The following GOLM2 variants were observed in gnomAD, a reference collection of about 807,000 sequenced individuals.
GOLM2 encodes the protein protein GOLM2.
A neutral mutation model predicts 55.9 loss-of-function variants in GOLM2; 26 were observed. The observed-to-expected ratio is 0.47, with a 90% CI of 0.34 to 0.65. The LOEUF is 0.65. GOLM2 is among the 30% of genes least tolerant of loss of function. The pLI is 0.01. For missense variants in GOLM2, 486 were observed against 531.8 expected (o/e 0.91, Z 0.85); for synonymous variants, 165 against 194.6 (o/e 0.85, Z 1.27).
intron 6 of GOLM2, among the ~76,000 whole-genome samples, chr15:44,366,732 C>T (rs1472059572): frequency 6.6e-6 from 1 of 152,100 alleles, no homozygotes; most frequent in African/African-American, 2.4e-5. Flanking sequence ...TGCAGTGGCT[C>T]ACGCCTGTAA....
intron 1 of GOLM2, among the ~76,000 whole-genome samples, chr15:44,292,922 C>T (rs963805798): frequency 3.3e-5 from 5 of 152,142 alleles, no homozygotes; most frequent in African/African-American, 1.2e-4. Flanking sequence ...TCAAGCGATC[C>T]TCCCACCTCG....
chr15:44,310,476 A>C (rs928267674), intron 1 of GOLM2, among the ~76,000 whole-genome samples: 18 of 135,270 alleles, frequency 1.3e-4, no homozygotes, highest in South Asian at 2.3e-4. Flanking sequence ...ATATGTATAT[A>C]TATATATATA....
chr15:44,379,762 A>T lies in GOLM2; in HGVS notation c.875A>T (p.Gln292Leu). The T allele has an allele frequency of 6.2e-7, 1 of 1,611,300 alleles. No individual in the cohort carries two copies. The highest frequency in any genetic ancestry group is 8.5e-7 in the Non-Finnish European group (1 of 1,177,710). ...GCAATCTCCCATCTTCCAACTGGAC[A>T]ACCTCTCTCCCCAAATATGCCTCCA... is the stretch of plus-strand genomic sequence containing the variant. ...HQAISHLPTG[Q>L]PLSPNMPPDS... Residue 292 changes from glutamine (Q) to leucine (L), a missense_variant, in exon 7 of 10, where the codon CAA becomes CTA. Transcript: ENST00000299957.
At chr15:44,345,511 C>T (rs771872049) in intron 6 of GOLM2, among the ~76,000 whole-genome samples, 4 of 152,150 alleles carry the variant, frequency 2.6e-5, no homozygotes, top group Admixed American at 1.3e-4. Context: ...CCGTCCGCCT[C>T]GGCCTCCCAA....
At chr15:44,331,900 A>T in intron 3 of GOLM2, 88 bp from the exon 4 acceptor site, 2 of 889,342 alleles carry the variant, frequency 2.2e-6, no homozygotes, top group Admixed American at 2.0e-5. Context: ...TGAGTGTTTT[A>T]TCTTTCTTAT....
chr15:44,354,704 GA>G, intron 6 of GOLM2: 2 of 165,290 alleles, frequency 1.2e-5, no homozygotes, highest in South Asian at 1.6e-4. Flanking sequence ...TGGTGAAATT[GA>G]AGGTTGTAGT....
chr15:44,369,594 C>T (rs1258083535), intron 6 of GOLM2, among the ~76,000 whole-genome samples: 7 of 151,122 alleles, frequency 4.6e-5, no homozygotes, highest in East Asian at 3.9e-4. Flanking sequence ...AAGGCCAAGG[C>T]GGGCGGATCG....
At chr15:44,399,937 G>C (rs980462370) in intron 8 of GOLM2, among the ~76,000 whole-genome samples, 1 of 151,252 alleles carries the variant, frequency 6.6e-6, no homozygotes, top group Non-Finnish European at 1.5e-5. Flanking sequence ...GGAGGTTGCA[G>C]TGAGCTGATA....
intron 1 of GOLM2, among the ~76,000 whole-genome samples, chr15:44,317,338 C>T (rs1181037995): frequency 1.3e-5 from 2 of 152,150 alleles, no homozygotes; most frequent in African/African-American, 2.4e-5. Flanking sequence ...GGTCATGCCA[C>T]TGCACTCTAG....
At chr15:44,382,335 TCTCA>T (rs1389631516) in intron 8 of GOLM2, 1 of 151,538 alleles carries the variant, frequency 6.6e-6, no homozygotes, top group Non-Finnish European at 1.5e-5. Context: ...TGAGATGGAG[TCTCA>T]CTCTGTCACC....
At chr15:44,385,778 C>T (rs867006878) in intron 8 of GOLM2, among the ~76,000 whole-genome samples, 1 of 152,090 alleles carries the variant, frequency 6.6e-6, no homozygotes, top group Non-Finnish European at 1.5e-5. Flanking sequence ...GGCTGGTCTC[C>T]AACTCCTGGC....
At chr15:44,343,208 C>G (rs2079100234) in intron 6 of GOLM2, among the ~76,000 whole-genome samples, 1 of 151,598 alleles carries the variant, frequency 6.6e-6, no homozygotes, top group Admixed American at 6.6e-5. Flanking sequence ...TGGTGGGCAC[C>G]TGTAATCCCA....
chr15:44,405,221 C>T (rs1236181761), intron 9 of GOLM2: 2 of 152,170 alleles, frequency 1.3e-5, no homozygotes, highest in African/African-American at 4.8e-5. Flanking sequence ...AAAATAAATT[C>T]ACCGATACTA....
chr15:44,340,885 T>C (rs2079086350), intron 6 of GOLM2, among the ~76,000 whole-genome samples: 1 of 152,160 alleles, frequency 6.6e-6, no homozygotes, highest in Non-Finnish European at 1.5e-5. Context: ...TTGTGTATTT[T>C]AAAAACTATA....
chr15:44,392,950 A>G (rs1282940601), intron 8 of GOLM2, among the ~76,000 whole-genome samples: 3 of 152,192 alleles, frequency 2.0e-5, no homozygotes, highest in Non-Finnish European at 4.4e-5. Flanking sequence ...TAATTCTCAA[A>G]AACCTTCCCT....
chr15:44,332,911 T>C (rs1490612257), intron 4 of GOLM2, among the ~76,000 whole-genome samples: 1 of 152,114 alleles, frequency 6.6e-6, no homozygotes, highest in Non-Finnish European at 1.5e-5. Flanking sequence ...TGTCTGAAGA[T>C]TACTAATTAT....
intron 3 of GOLM2, among the ~76,000 whole-genome samples, chr15:44,329,848 G>A (rs2141137908): frequency 6.6e-6 from 1 of 151,664 alleles, no homozygotes; most frequent in African/African-American, 2.4e-5. Flanking sequence ...GCTGCAGTGA[G>A]CCATGATGAT....
At position 44,288,975 on chromosome 15, in the gene GOLM2, T is replaced by G. The variant is rs1010367924; in HGVS notation, c.-55T>G. The G allele has an allele frequency of 2.0e-6, 3 of 1,503,360 alleles. No individual in the cohort carries two copies. Among genetic ancestry groups the G allele is most frequent in the Admixed American group, 3.8e-5 (2 of 51,984 alleles). The allele number at this position is 1,503,360 out of a possible 1,614,324, so 93.1% of individuals were successfully genotyped here. The stretch of plus-strand genomic sequence containing the variant: ...GGGCAACTCCAGCCGAGGCCTGGGC[T>G]TCTGCCTGCAGGTGTCTGCGGCGAG... On this transcript the variant is annotated 5_prime_UTR_variant, in exon 1 of 10. Transcript: ENST00000299957.
At chr15:44,319,801 G>A (rs1226115033) in intron 1 of GOLM2, among the ~76,000 whole-genome samples, 4 of 151,924 alleles carry the variant, frequency 2.6e-5, no homozygotes, top group Non-Finnish European at 5.9e-5. Context: ...GTTGCCCAGA[G>A]TAGTCTCAAA....
Sources: allele counts gnomAD v4.1 joint callset (sites outside exome capture counted in the v4.1 genomes callset), GRCh38; gene constraint gnomAD v4.1.1; transcripts MANE v1.5; gene names NCBI Gene and HGNC (gene_info 2026-07-23, HGNC 2026-07-21).